NUBPL: variants seen among roughly 807,000 people sequenced by gnomAD.
NUBPL encodes the protein NUBP iron-sulfur cluster assembly factor, mitochondrial, also known as iron-sulfur cluster transfer protein NUBPL.
In NUBPL, 31 loss-of-function variants were observed where a neutral mutation model predicts 45.7. The ratio of observed to expected loss-of-function variants is 0.68; its 90% CI spans 0.51 to 0.92. The LOEUF (loss-of-function observed/expected upper bound fraction) is 0.92. Among genes scored for constraint, NUBPL ranks in the 40% least tolerant of loss-of-function variants. NUBPL has a pLI of 0.00. For missense variants in NUBPL, 401 were observed against 398.7 expected (o/e 1.01, Z -0.05); for synonymous variants, 144 against 140.9 (o/e 1.02, Z -0.15).
At chr14:31,698,818 A>C (rs2037270636) in intron 6 of NUBPL, among the ~76,000 whole-genome samples, 1 of 151,820 alleles carries the variant, frequency 6.6e-6, no homozygotes, top group Non-Finnish European at 1.5e-5. Flanking sequence ...GTGTTGATGG[A>C]AAGTCCACCA....
rs529335635 is a variant in NUBPL, at chr14:31,841,990, G to A, written c.694-4481G>A. Among the ~76,000 whole-genome samples the A allele has an allele frequency of 6.9e-4, 93 of 133,900 alleles. 1 individual carries two copies. The highest frequency in any genetic ancestry group is 1.1e-3 in the Non-Finnish European group (73 of 65,604). The allele number at this position is 133,900 out of a possible 152,430, so 87.8% of individuals were successfully genotyped here. On this transcript the variant is annotated intron_variant, in intron 8 of 10. Coordinates refer to ENST00000281081, the MANE Select transcript of NUBPL (RefSeq NM_025152.3). ...CTGTCGCCTGGGCTGGAGTACAGTG[G>A]CACAATCTCAGCTCACTGCAAGCTC...
At chr14:31,618,712 G>C (rs977330111) in intron 4 of NUBPL, among the ~76,000 whole-genome samples, 1 of 152,166 alleles carries the variant, frequency 6.6e-6, no homozygotes. Context: ...ATCAATTTTA[G>C]AAGCAGTGTG....
chr14:31,653,252 C>G (rs1295876458), intron 4 of NUBPL, among the ~76,000 whole-genome samples: 1 of 152,162 alleles, frequency 6.6e-6, no homozygotes, highest in Non-Finnish European at 1.5e-5. Flanking sequence ...GCTTTGAGAG[C>G]AGAGAACTGT....
chr14:31,561,525 G>C lies in NUBPL; in HGVS notation c.86G>C (p.Arg29Pro). 7.2e-7 allele frequency: 1 copy of C among 1,382,910 alleles called. No homozygotes were observed. The highest frequency in any genetic ancestry group is 1.5e-5 in the African/African-American group (1 of 66,970). 85.7% of individuals were successfully genotyped at this position (1,382,910 alleles called of 1,614,324 possible). ...GCCACTGCCCCGCTTGGGGGAAGCCGAGCGATGGTTTGTGGGCGCCAGGTC... is the reference window on the plus strand; with the variant it reads ...GCCACTGCCCCGCTTGGGGGAAGCCCAGCGATGGTTTGTGGGCGCCAGGTC... ...GGATAPLGGSRAMVCGRQLSG... is the reference protein window; with the variant it reads ...GGATAPLGGSPAMVCGRQLSG... Residue 29 changes from arginine to proline, a missense_variant, in exon 1 of 11, where the codon CGA (arginine) becomes CCA (proline). Transcript: ENST00000281081.
intron 6 of NUBPL, among the ~76,000 whole-genome samples, chr14:31,717,410 C>T (rs1277580166): frequency 6.6e-6 from 1 of 152,206 alleles, no homozygotes; most frequent in African/African-American, 2.4e-5. Context: ...GCCACACATT[C>T]TCTTGTCTCA....
intron 3 of NUBPL, among the ~76,000 whole-genome samples, chr14:31,581,389 G>A (rs138436657): frequency 4.9e-4 from 74 of 151,904 alleles, no homozygotes; most frequent in South Asian, 2.9e-3. Flanking sequence ...ATAATTCCCC[G>A]TTTTCTCCTG....
intron 6 of NUBPL, among the ~76,000 whole-genome samples, chr14:31,754,444 G>C (rs2038603386): frequency 6.6e-6 from 1 of 151,998 alleles, no homozygotes; most frequent in East Asian, 1.9e-4. Flanking sequence ...CTATGAGAAT[G>C]CAATAAGTAA....
At chr14:31,857,879 T>G (rs1456435514) in intron 10 of NUBPL, among the ~76,000 whole-genome samples, 1 of 152,204 alleles carries the variant, frequency 6.6e-6, no homozygotes, top group Non-Finnish European at 1.5e-5. Context: ...CCCTCCAAAC[T>G]GTTCCAACTG....
intron 7 of NUBPL, among the ~76,000 whole-genome samples, chr14:31,813,536 T>G: frequency 6.7e-6 from 1 of 149,542 alleles, no homozygotes; most frequent in Admixed American, 6.7e-5. Flanking sequence ...CATACATCCA[T>G]ACACACACAC....
intron 4 of NUBPL, among the ~76,000 whole-genome samples, chr14:31,625,984 A>G (rs914259700): frequency 6.6e-6 from 1 of 152,282 alleles, no homozygotes; most frequent in South Asian, 2.1e-4. Context: ...GTATATTTTT[A>G]AAAAGGTAAT....
At chr14:31,722,333 A>G (rs2037828789) in intron 6 of NUBPL, among the ~76,000 whole-genome samples, 2 of 151,846 alleles carry the variant, frequency 1.3e-5, no homozygotes, top group South Asian at 2.1e-4. Flanking sequence ...TATTTATTCA[A>G]CCTGTCATTG....
At chr14:31,708,047 A>G (rs2037492607) in intron 6 of NUBPL, among the ~76,000 whole-genome samples, 1 of 152,218 alleles carries the variant, frequency 6.6e-6, no homozygotes, top group South Asian at 2.1e-4. Context: ...GGTCCAGAAC[A>G]GTGAACCATT....
chr14:31,584,162 T>A (rs1209524702), intron 3 of NUBPL, among the ~76,000 whole-genome samples: 3 of 152,124 alleles, frequency 2.0e-5, no homozygotes, highest in African/African-American at 4.8e-5. Flanking sequence ...TTTTTTTTTT[T>A]CCTGACAGGG....
chr14:31,622,195 G>A (rs1354364665), intron 4 of NUBPL, among the ~76,000 whole-genome samples: 3 of 152,156 alleles, frequency 2.0e-5, no homozygotes, highest in African/African-American at 7.2e-5. Flanking sequence ...TCTGGCAGAA[G>A]AAATCTCTAA....
intron 8 of NUBPL, among the ~76,000 whole-genome samples, chr14:31,827,243 C>G (rs79603001): frequency 0.016 from 2,409 of 151,796 alleles, 68 homozygotes; most frequent in African/African-American, 0.055. Context: ...AACAAATTGC[C>G]TGCTATTAAG....
chr14:31,640,983 C>T (rs1403379929), intron 4 of NUBPL, among the ~76,000 whole-genome samples: 1 of 151,850 alleles, frequency 6.6e-6, no homozygotes, highest in African/African-American at 2.4e-5. Context: ...GACAGAGTCC[C>T]ACTCTGTCAC....
intron 6 of NUBPL, among the ~76,000 whole-genome samples, chr14:31,690,694 G>A (rs1351882455): frequency 1.3e-5 from 2 of 152,186 alleles, no homozygotes; most frequent in Non-Finnish European, 2.9e-5. Context: ...TGACTTCACG[G>A]AATTTATGAC....
intron 10 of NUBPL, among the ~76,000 whole-genome samples, chr14:31,856,999 C>T (rs547566871): frequency 2.6e-5 from 4 of 152,326 alleles, no homozygotes; most frequent in African/African-American, 9.6e-5. Flanking sequence ...ACTCTGGGGG[C>T]TCTGACCCCA....
At chr14:31,676,154 C>G (rs373131349) in intron 6 of NUBPL, among the ~76,000 whole-genome samples, 16 of 152,130 alleles carry the variant, frequency 1.1e-4, no homozygotes, top group African/African-American at 3.6e-4. Flanking sequence ...TTCTGAGTAG[C>G]TGGGACTACA....
Sources: allele counts gnomAD v4.1 joint callset (sites outside exome capture counted in the v4.1 genomes callset), GRCh38; gene constraint gnomAD v4.1.1; transcripts MANE v1.5; gene names NCBI Gene and HGNC (gene_info 2026-07-23, HGNC 2026-07-21).